Variants in PDE1C observed in about 807,000 individuals in gnomAD.
PDE1C encodes the protein phosphodiesterase 1C, also known as dual specificity calcium/calmodulin-dependent 3',5'-cyclic nucleotide phosphodiesterase 1C.
A neutral mutation model predicts 93.1 loss-of-function variants in PDE1C; 62 were observed. The ratio of observed to expected loss-of-function variants is 0.67; its 90% CI spans 0.54 to 0.82. The LOEUF is 0.82. Among genes scored for constraint, PDE1C ranks in the 40% least tolerant of loss-of-function variants. PDE1C has a pLI of 0.00. For synonymous variants in PDE1C, 325 were observed against 310.1 expected, an observed-to-expected ratio of 1.05 and a Z score of -0.50; for missense variants, 742 against 884.6, an observed-to-expected ratio of 0.84 and a Z score of 2.04.
the PDE1C span, chr7:31,643,945 C>A: frequency 1.2e-6 from 2 of 1,608,344 alleles, no homozygotes; most frequent in Admixed American, 3.4e-5. Flanking sequence ...AGTGAGGGAG[C>A]TATGTTCCGT....
chr7:32,125,943 A>G (rs760434440), intron 3 of PDE1C, among the ~76,000 whole-genome samples: 1 of 151,806 alleles, frequency 6.6e-6, no homozygotes, highest in Admixed American at 6.6e-5. Flanking sequence ...ATGCCTCAAG[A>G]CACTGGACCT....
intron 1 of PDE1C, among the ~76,000 whole-genome samples, chr7:32,321,988 T>C (rs1359607892): frequency 3.9e-5 from 6 of 152,192 alleles, no homozygotes; most frequent in African/African-American, 1.2e-4. Context: ...GATGCTATGA[T>C]GGGAACTAAA....
At chr7:32,309,769 A>C (rs1170473510) in intron 1 of PDE1C, among the ~76,000 whole-genome samples, 1 of 152,208 alleles carries the variant, frequency 6.6e-6, no homozygotes, top group Non-Finnish European at 1.5e-5. Context: ...TGGAAAGGAA[A>C]AACTGGTACC....
the PDE1C span, among the ~76,000 whole-genome samples, chr7:31,659,092 CTG>C: frequency 6.6e-6 from 1 of 152,068 alleles, no homozygotes; most frequent in African/African-American, 2.4e-5. Context: ...TATTTTATAA[CTG>C]TGTAGTTGAT....
At chr7:32,099,247 G>T (rs1174286230) in intron 3 of PDE1C, among the ~76,000 whole-genome samples, 1 of 152,140 alleles carries the variant, frequency 6.6e-6, no homozygotes, top group African/African-American at 2.4e-5. Context: ...TTCTAAAAAA[G>T]AAAGTTATAC....
intron 1 of PDE1C, among the ~76,000 whole-genome samples, chr7:32,423,732 G>C (rs960298026): frequency 6.6e-6 from 1 of 152,188 alleles, no homozygotes; most frequent in African/African-American, 2.4e-5. Context: ...AAGAAGCAAT[G>C]AGTCAGCAAG....
At chr7:31,808,803 T>C (rs1444032209) in intron 16 of PDE1C, among the ~76,000 whole-genome samples, 1 of 151,860 alleles carries the variant, frequency 6.6e-6, no homozygotes, top group Non-Finnish European at 1.5e-5. Flanking sequence ...AAAGAAAGGG[T>C]ATAGAAAACA....
At chr7:32,070,623 G>A, upstream of PDE1C, 1 of 1,409,932 alleles carries the variant, frequency 7.1e-7, no homozygotes, top group Non-Finnish European at 9.2e-7. Context: ...ACCAGCCATG[G>A]TCCCGGGCTA....
intron 14 of PDE1C, among the ~76,000 whole-genome samples, chr7:31,816,375 G>A (rs1196165019): frequency 6.6e-6 from 1 of 152,074 alleles, no homozygotes; most frequent in Admixed American, 6.6e-5. Flanking sequence ...AGGTCAGGGA[G>A]AAAATAATAA....
rs143433782 is a variant in PDE1C at position 31,816,122 on chromosome 7, C to G, written c.1615G>C (p.Ala539Pro). ...EKAKKEAEEK[A>P]RLAAEEQQKE... ...TGCTGCTCCTCTGCGGCCAGGCGAG[C>G]CTTTTCCTCTGCTTCCTTCTTGGCC... is the stretch of plus-strand genomic sequence containing the variant. The change falls in exon 15 of 18, where the codon GCT becomes CCT. Residue 539 changes from alanine (A) to proline (P), a missense_variant. Physicochemically the swap from Ala to Pro is conservative, Grantham distance 27 (BLOSUM62 -1). Transcript: ENST00000396191. 1.3e-4 allele frequency: 209 copies of G among 1,613,796 alleles called. No homozygotes were observed. The highest frequency in any genetic ancestry group is 1.7e-4 in the Non-Finnish European group (199 of 1,179,938).
At chr7:31,910,330 G>A (rs1801072137) in intron 2 of PDE1C, among the ~76,000 whole-genome samples, 1 of 152,000 alleles carries the variant, frequency 6.6e-6, no homozygotes, top group Non-Finnish European at 1.5e-5. Context: ...TCATTTTGTT[G>A]GCACTTAATT....
At chr7:32,049,860 C>G (rs2128683162) in intron 2 of PDE1C, among the ~76,000 whole-genome samples, 1 of 152,144 alleles carries the variant, frequency 6.6e-6, no homozygotes, top group Admixed American at 6.6e-5. Context: ...ATAAATATTA[C>G]AGAATATAAC....
At chr7:32,078,655 T>C (rs1017067206) in intron 3 of PDE1C, among the ~76,000 whole-genome samples, 25 of 152,204 alleles carry the variant, frequency 1.6e-4, no homozygotes, top group African/African-American at 5.8e-4. Flanking sequence ...CCAGGCATGG[T>C]AGCTCACACC....
chr7:31,651,214 C>T, the PDE1C span: 2 of 1,613,630 alleles, frequency 1.2e-6, no homozygotes, highest in Middle Eastern at 1.7e-4. Context: ...AGAAATTGAA[C>T]AGCACCTTAT....
At chr7:32,164,702 A>G (rs1802118305) in intron 3 of PDE1C, among the ~76,000 whole-genome samples, 1 of 152,194 alleles carries the variant, frequency 6.6e-6, no homozygotes, top group African/African-American at 2.4e-5. Flanking sequence ...TGCTCAATAA[A>G]TATTGGCTTC....
chr7:31,635,773 A>G, the PDE1C span, among the ~76,000 whole-genome samples: 1 of 151,972 alleles, frequency 6.6e-6, no homozygotes, highest in Admixed American at 6.6e-5. Context: ...TGGGGCTTGT[A>G]AGGGGAGGGC....
At chr7:32,020,814 T>C (rs905458210) in intron 2 of PDE1C, among the ~76,000 whole-genome samples, 2 of 152,142 alleles carry the variant, frequency 1.3e-5, no homozygotes, top group South Asian at 2.1e-4. Flanking sequence ...GAGGATCATA[T>C]AGTATTTGTT....
At chr7:31,957,525 A>G (rs1212011191) in intron 2 of PDE1C, among the ~76,000 whole-genome samples, 1 of 152,158 alleles carries the variant, frequency 6.6e-6, no homozygotes, top group East Asian at 1.9e-4. Context: ...ATAGGAAGTG[A>G]CTCAGCATTT....
the PDE1C span, among the ~76,000 whole-genome samples, chr7:31,732,286 G>A: frequency 2.0e-5 from 3 of 152,112 alleles, no homozygotes; most frequent in African/African-American, 7.2e-5. Context: ...ACACCACCTG[G>A]ACATCAATGT....
Sources: gnomAD v4.1 joint callset for allele counts (sites outside exome capture counted in the v4.1 genomes callset) on GRCh38, gnomAD v4.1.1 for gene constraint, MANE v1.5 for transcripts, NCBI Gene and HGNC (gene_info 2026-07-23, HGNC 2026-07-21) for gene names.